Variants in MAST4 observed in about 807,000 individuals in gnomAD.
The protein encoded by MAST4 is microtubule associated serine/threonine kinase family member 4, also known as microtubule-associated serine/threonine-protein kinase 4.
Under a neutral mutation model 162.7 loss-of-function variants are expected in MAST4, and 89 were observed. That is an observed-to-expected ratio of 0.55 (90% CI 0.46 to 0.65). MAST4 has a LOEUF of 0.65. MAST4 is among the 30% of genes least tolerant of loss of function. The pLI, the probability that MAST4 is intolerant of heterozygous loss-of-function variation, is 0.00. For missense variants in MAST4, 3,153 were observed against 3,374.0 expected (o/e 0.93, Z 1.62); for synonymous variants, 1,479 against 1,361.1 (o/e 1.09, Z -1.91).
intron 2 of MAST4, among the ~76,000 whole-genome samples, chr5:66,777,021 A>T (rs1390213349): frequency 6.6e-6 from 1 of 152,206 alleles, no homozygotes; most frequent in East Asian, 1.9e-4. Flanking sequence ...TTCTGTGTTC[A>T]GTTTTGTGCT....
intron 1 of MAST4, among the ~76,000 whole-genome samples, chr5:66,707,255 C>A (rs528344633): frequency 6.6e-6 from 1 of 152,092 alleles, no homozygotes; most frequent in Admixed American, 6.6e-5. Context: ...AACGGGCTTC[C>A]GGCTCACCAC....
intron 4 of MAST4, among the ~76,000 whole-genome samples, chr5:66,980,054 A>G (rs1748596112): frequency 6.6e-6 from 1 of 152,232 alleles, no homozygotes; most frequent in African/African-American, 2.4e-5. Context: ...TGCCTTCCTA[A>G]CTTCAAGCTA....
intron 10 of MAST4, 123 bp from the exon 11 acceptor site, chr5:67,109,975 G>C: frequency 1.5e-6 from 1 of 661,612 alleles, no homozygotes; most frequent in Non-Finnish European, 2.7e-6. Flanking sequence ...TCTTTTAATA[G>C]CATTTTCTAA....
At chr5:66,998,630 C>G (rs1182774662) in intron 4 of MAST4, among the ~76,000 whole-genome samples, 2 of 152,160 alleles carry the variant, frequency 1.3e-5, no homozygotes, top group African/African-American at 4.8e-5. Context: ...TAACCTGTAG[C>G]AAATCCATCC....
At chr5:66,668,986 C>T (rs557060827) in intron 1 of MAST4, among the ~76,000 whole-genome samples, 1 of 152,262 alleles carries the variant, frequency 6.6e-6, no homozygotes, top group East Asian at 1.9e-4. Flanking sequence ...AAAAAGCACC[C>T]AGGAAGTATC....
intron 3 of MAST4, chr5:66,789,877 T>C: frequency 5.0e-5 from 22 of 441,966 alleles, no homozygotes; most frequent in Middle Eastern, 6.4e-4. Flanking sequence ...AATGGTGATT[T>C]TTCCAACTTC....
intron 1 of MAST4, among the ~76,000 whole-genome samples, chr5:66,744,248 C>T (rs750673264): frequency 5.3e-5 from 8 of 152,106 alleles, no homozygotes; most frequent in Non-Finnish European, 1.0e-4. Context: ...ATTTTAACCA[C>T]GTGGGGCCCC....
In MAST4 at chr5:67,100,504, T is replaced by C; in HGVS notation, c.982T>C (p.Leu328=). The C allele has an allele frequency of 6.2e-7, 1 of 1,613,980 alleles. No individual in the cohort carries two copies. Among genetic ancestry groups the C allele is most frequent in the Non-Finnish European group, 8.5e-7 (1 of 1,179,864 alleles). ...ACCAACACCAGACGAGTTACACTTC[T>C]TATCAAAACATTTCTGTACCACCGA... ...YQPTPDELHF[L]SKHFCTTESI... is the part of the protein sequence containing the mutation. Residue 328 remains leucine (L), a synonymous_variant, in exon 8 of 29, where the codon TTA becomes CTA. Coordinates refer to ENST00000403625, the MANE Select transcript of MAST4 (RefSeq NM_001164664.2).
chr5:66,775,803 G>C (rs1010239315), intron 2 of MAST4, among the ~76,000 whole-genome samples: 2 of 152,094 alleles, frequency 1.3e-5, no homozygotes, highest in African/African-American at 4.8e-5. Flanking sequence ...TTAACAAATG[G>C]CCATTTGGAG....
intron 1 of MAST4, among the ~76,000 whole-genome samples, chr5:66,654,713 C>G (rs1407581069): frequency 6.6e-6 from 1 of 152,028 alleles, no homozygotes; most frequent in African/African-American, 2.4e-5. Flanking sequence ...TGGTAGGTGG[C>G]TTTATTCAGA....
intron 1 of MAST4, among the ~76,000 whole-genome samples, chr5:66,620,385 A>G (rs182603822): frequency 2.0e-5 from 3 of 152,192 alleles, no homozygotes; most frequent in Non-Finnish European, 4.4e-5. Context: ...AAATTTTTCA[A>G]CAAAGTTATG....
chr5:66,983,989 G>A (rs1174434467), intron 4 of MAST4, among the ~76,000 whole-genome samples: 1 of 152,176 alleles, frequency 6.6e-6, no homozygotes, highest in East Asian at 1.9e-4. Flanking sequence ...CTTCATTTCA[G>A]CAAGTGTTTT....
chr5:66,791,841 CT>C (rs775343746), intron 3 of MAST4, among the ~76,000 whole-genome samples: 2 of 152,144 alleles, frequency 1.3e-5, no homozygotes, highest in African/African-American at 2.4e-5. Context: ...CCCTCACCTT[CT>C]GTTGTATTAA....
intron 4 of MAST4, among the ~76,000 whole-genome samples, chr5:66,938,826 A>G (rs190575982): frequency 6.6e-6 from 1 of 152,342 alleles, no homozygotes; most frequent in East Asian, 1.9e-4. Context: ...AACCCACAAC[A>G]CATAAACAGA....
intron 4 of MAST4, among the ~76,000 whole-genome samples, chr5:67,007,179 T>C (rs1752139440): frequency 6.6e-6 from 1 of 152,228 alleles, no homozygotes; most frequent in Admixed American, 6.5e-5. Context: ...CTCCATGTCC[T>C]TCCCTAAGGA....
chr5:67,078,373 A>G (rs1487918854), intron 5 of MAST4, among the ~76,000 whole-genome samples: 1 of 150,758 alleles, frequency 6.6e-6, no homozygotes, highest in Non-Finnish European at 1.5e-5. Flanking sequence ...TAACAGAAGA[A>G]CTCAGTGGAA....
At position 66,735,126 on chromosome 5, in the gene MAST4, A is replaced by T. The variant is rs953933925; in HGVS notation, c.364-24583A>T. Among the ~76,000 whole-genome samples, 7 of 152,340 alleles carry T rather than the reference A, an allele frequency of 4.6e-5. No individual in the cohort carries two copies. In the East Asian group the frequency reaches 9.6e-4, roughly 21 times the overall value. On this transcript the variant is annotated intron_variant, in intron 1 of 28. Coordinates refer to ENST00000403625, the MANE Select transcript of MAST4 (RefSeq NM_001164664.2). The stretch of plus-strand genomic sequence containing the variant: ...TTATGTAGAGAAACTGAGCTTTTTT[A>T]AAAAGGGAAACATACAGGTGAATCT...
chr5:66,647,968 T>A (rs1392828324), intron 1 of MAST4, among the ~76,000 whole-genome samples: 3 of 151,922 alleles, frequency 2.0e-5, no homozygotes, highest in East Asian at 3.9e-4. Flanking sequence ...TTATTGATGC[T>A]CTACAACTTG....
intron 5 of MAST4, among the ~76,000 whole-genome samples, chr5:67,077,267 A>G (rs1761769128): frequency 6.6e-6 from 1 of 152,172 alleles, no homozygotes; most frequent in Admixed American, 6.5e-5. Flanking sequence ...GGGAAGCTTT[A>G]AAAATGACTG....
Sources: gnomAD v4.1 joint callset for allele counts (sites outside exome capture counted in the v4.1 genomes callset) on GRCh38, gnomAD v4.1.1 for gene constraint, MANE v1.5 for transcripts, NCBI Gene and HGNC (gene_info 2026-07-23, HGNC 2026-07-21) for gene names.